The following MLH3 variants were observed in gnomAD, a reference collection of about 807,000 sequenced individuals.
MLH3 encodes the protein DNA mismatch repair protein Mlh3.
MLH3 carries 82 observed loss-of-function variants against 122.2 expected under a neutral mutation model. That is an observed-to-expected ratio of 0.67 (90% confidence interval 0.56 to 0.81). The LOEUF (loss-of-function observed/expected upper bound fraction) is 0.81, where lower values mean the gene tolerates loss of function less well. Ranked by LOEUF, MLH3 falls within the 30% of genes least tolerant of loss-of-function variation. The pLI, the probability that MLH3 is intolerant of heterozygous loss-of-function variation, is 0.00. For synonymous variants in MLH3, 524 were observed against 599.5 expected (o/e 0.87, Z 1.84); for missense variants, 1,539 against 1,714.5 (o/e 0.90, Z 1.81).
Position 75,014,910 on chromosome 14 carries a change from A to G in MLH3, c.*2172T>C. The G allele has an allele frequency of 5.6e-6, 1 of 180,122 alleles. No homozygotes were observed. Among genetic ancestry groups the G allele is most frequent in the Non-Finnish European group, 1.2e-5 (1 of 84,100 alleles). 11.2% of individuals were successfully genotyped at this position (180,122 alleles called of 1,614,324 possible). On this transcript the variant is annotated 3_prime_UTR_variant, in exon 13 of 13. Transcript: ENST00000355774. ...TGGCTCTTACAGCTAAGCCTTCAGCAAACCAGTTAACAGCTCCGAGCTTCG... is the reference window on the plus strand; with the variant it reads ...TGGCTCTTACAGCTAAGCCTTCAGCGAACCAGTTAACAGCTCCGAGCTTCG...
intron 2 of MLH3, 145 bp downstream of exon 2, chr14:75,046,231 C>A: frequency 1.3e-6 from 1 of 781,994 alleles, no homozygotes; most frequent in Admixed American, 2.4e-5. Context: ...CTTCATATAG[C>A]ATGAAAATAC....
Position 75,049,494 on chromosome 14 carries a change from C to T in MLH3, c.162G>A (p.Val54=), listed in dbSNP as rs757926156. 1.2e-5 allele frequency: 19 copies of T among 1,614,090 alleles called. No individual in the cohort carries two copies. The highest frequency in any genetic ancestry group is 8.5e-6 in the Non-Finnish European group (10 of 1,180,046). The change falls in exon 2 of 13, where the codon GTG becomes GTA. Residue 54 remains valine (V), a synonymous_variant. Coordinates refer to ENST00000355774, the MANE Select transcript of MLH3 (RefSeq NM_001040108.2). ...RVNMETFQVQ[V]IDNGFGMGSD... ...TCCCCATCCCAAATCCATTGTCTATCACTTGAACTTGGAAGGTTTCCATAT... is the reference window on the plus strand; with the variant it reads ...TCCCCATCCCAAATCCATTGTCTATTACTTGAACTTGGAAGGTTTCCATAT...
rs1279305990 is a variant in MLH3, at chr14:75,015,277, A to C, written c.*1805T>G. On this transcript the variant is annotated 3_prime_UTR_variant, in exon 13 of 13. Transcript: ENST00000355774. ...TATAAATTATGAAAACAGAATAATT[A>C]TCTCTTACATTGCTTGAGTCAGGCT... 2 of 177,522 alleles carry C rather than the reference A, an allele frequency of 1.1e-5. No homozygotes were observed. 11.0% of individuals were successfully genotyped at this position (177,522 alleles called of 1,614,324 possible).
intron 10 of MLH3, 39 bp from the exon 11 acceptor site, chr14:75,022,931 GAAC>G (rs746081870): frequency 5.4e-5 from 87 of 1,613,554 alleles, no homozygotes; most frequent in Non-Finnish European, 7.0e-5. Context: ...AAAGAAAACG[GAAC>G]AACGAAGCCT....
rs1555343301 is a variant in MLH3, at chr14:75,038,338, A to G, written c.3643+2T>C. ...ATCATTCAGGCTAAACTCCATTCTTACCTGCCTCGCCATTCTCTTCAGTCT... is the reference window on the plus strand; with the variant it reads ...ATCATTCAGGCTAAACTCCATTCTTGCCTGCCTCGCCATTCTCTTCAGTCT... On this transcript the variant is annotated splice_donor_variant, in intron 6 of 12. Coordinates refer to ENST00000355774, the MANE Select transcript of MLH3 (RefSeq NM_001040108.2). LOFTEE classifies it high-confidence loss of function. 10 of 1,611,498 alleles carry G rather than the reference A, an allele frequency of 6.2e-6. No individual in the cohort carries two copies. Among genetic ancestry groups the G allele is most frequent in the Non-Finnish European group, 8.5e-6 (10 of 1,177,762 alleles).
intron 2 of MLH3, 90 bp downstream of exon 2, chr14:75,046,286 G>T: frequency 7.6e-7 from 1 of 1,318,566 alleles, no homozygotes. Flanking sequence ...TATCTGTTGA[G>T]ATAATCTCTT....
intron 2 of MLH3, among the ~76,000 whole-genome samples, chr14:75,045,266 G>A (rs1419961980): frequency 6.6e-6 from 1 of 152,112 alleles, no homozygotes; most frequent in Non-Finnish European, 1.5e-5. Context: ...GGAGGCGGAG[G>A]TTATAGTGAG....
At position 75,047,174 on chromosome 14, in the gene MLH3, C is replaced by T. The variant is rs587776622; in HGVS notation, c.2482G>A (p.Glu828Lys). ...TCATCCTTGGAGAATGGAAACTTCT[C>T]TGAGTTAAGGATGTGGCTTGCTGGT... ...CQPASHILNS[E>K]KFPFSKDEDC... Residue 828 changes from glutamate (E) to lysine (K), a missense_variant, in exon 2 of 13, where the codon GAG becomes AAG. Physicochemically the swap from Glu to Lys is moderately conservative, Grantham distance 56. Coordinates refer to ENST00000355774, the MANE Select transcript of MLH3 (RefSeq NM_001040108.2). 1.9e-6 allele frequency: 3 copies of T among 1,614,024 alleles called. No homozygotes were observed. The African/African-American group carries it at 4.0e-5, about 22-fold the overall frequency.
intron 11 of MLH3, 34 bp downstream of exon 11, chr14:75,022,780 A>G: frequency 6.3e-7 from 1 of 1,588,374 alleles, no homozygotes; most frequent in Non-Finnish European, 8.6e-7. Flanking sequence ...CTGCATGCAG[A>G]GGTGTTTGAT....
At chr14:75,040,445 G>T (rs1223090856) in intron 4 of MLH3, among the ~76,000 whole-genome samples, 7 of 32,974 alleles carry the variant, frequency 2.1e-4, no homozygotes, top group Admixed American at 1.1e-3. Context: ...GCAAGACTCT[G>T]TCACAAAAAA....
At position 75,047,849 on chromosome 14, in the gene MLH3, A is replaced by G. The variant is rs777394252; in HGVS notation, c.1807T>C (p.Leu603=). 8.7e-6 allele frequency: 14 copies of G among 1,612,928 alleles called. No homozygotes were observed. The highest frequency in any genetic ancestry group is 1.2e-5 in the Non-Finnish European group (14 of 1,179,792). ...RNVFSYGRVK[L]CSTGFITHVV... Reference sequence around the variant, plus strand: ...TGAGTTATAAAGCCAGTGGAACATAATTTAACTCGCCCATAACTAAAAACA... The same window carrying G: ...TGAGTTATAAAGCCAGTGGAACATAGTTTAACTCGCCCATAACTAAAAACA... The change falls in exon 2 of 13, where the codon TTA becomes CTA. Residue 603 remains leucine, a synonymous_variant. Coordinates refer to ENST00000355774, the MANE Select transcript of MLH3 (RefSeq NM_001040108.2).
chr14:75,041,497 G>T, intron 4 of MLH3, 118 bp downstream of exon 4: 1 of 789,042 alleles, frequency 1.3e-6, no homozygotes, highest in Non-Finnish European at 2.2e-6. Context: ...TACGTGAGCC[G>T]AGATCATGCC....
chr14:75,046,031 T>G (rs936383109), intron 2 of MLH3, among the ~76,000 whole-genome samples: 1 of 151,698 alleles, frequency 6.6e-6, no homozygotes, highest in African/African-American at 2.4e-5. Flanking sequence ...ATAAAAAAAT[T>G]TAGCTGGGCA....
Position 75,017,084 on chromosome 14 carries a change from A to G in MLH3, c.4360T>C (p.Ter1454ArgextTer18), listed in dbSNP as rs1216996898. ...QQSMPPCEPP* is the reference protein window; with the variant it reads ...QQSMPPCEPPR ...CTTTTAGACCAGTGATTCTGTTCTC[A>G]TGGTGGCTCACAGGGAGGCATGGAT... Residue 1454 changes from the stop codon to arginine (R), a stop_lost, in exon 13 of 13, where the codon TGA (stop) becomes CGA (arginine). Coordinates refer to ENST00000355774, the MANE Select transcript of MLH3 (RefSeq NM_001040108.2). 2.5e-6 allele frequency: 4 copies of G among 1,613,576 alleles called. No homozygotes were observed. Among genetic ancestry groups the G allele is most frequent in the African/African-American group, 1.3e-5 (1 of 74,836 alleles).
chr14:75,033,579 T>C, intron 6 of MLH3, 89 bp from the exon 7 acceptor site: 1 of 943,746 alleles, frequency 1.1e-6, no homozygotes, highest in East Asian at 2.4e-5. Flanking sequence ...TAATTCAAAC[T>C]ATCTAACAAC....
At chr14:75,050,456 A>G (rs1325502886) in intron 1 of MLH3, among the ~76,000 whole-genome samples, 2 of 152,108 alleles carry the variant, frequency 1.3e-5, no homozygotes, top group South Asian at 2.1e-4. Context: ...CTGGAGTGCA[A>G]TGACACAATC....
At chr14:75,022,972 C>T (rs1036635073) in intron 10 of MLH3, 23 bp downstream of exon 10, 2 of 1,614,076 alleles carry the variant, frequency 1.2e-6, no homozygotes, top group Non-Finnish European at 1.7e-6. Flanking sequence ...TGTGTGAAAC[C>T]CCAAAATAAA....
At chr14:75,033,779 C>T (rs1196506921) in intron 6 of MLH3, among the ~76,000 whole-genome samples, 1 of 152,138 alleles carries the variant, frequency 6.6e-6, no homozygotes, top group Non-Finnish European at 1.5e-5. Context: ...TTTCTCTCTC[C>T]AGAGATTACC....
In MLH3 at chr14:75,017,191, T is replaced by C. The variant is rs1258839619; in HGVS notation, c.4253A>G (p.Asn1418Ser). The C allele has an allele frequency of 6.2e-6, 10 of 1,613,688 alleles. No homozygotes were observed. Among genetic ancestry groups the C allele is most frequent in the Non-Finnish European group, 8.5e-6 (10 of 1,179,848 alleles). Reference sequence around the variant, plus strand: ...GGCCATTTTGCGAAGTTTAGTGAGGTTGGGTTTAATCTATGGGAAGAAAGA... The same window carrying C: ...GGCCATTTTGCGAAGTTTAGTGAGGCTGGGTTTAATCTATGGGAAGAAAGA... ...HLEQEKQIKPNLTKLRKMAQA... is the reference protein window; with the variant it reads ...HLEQEKQIKPSLTKLRKMAQA... Residue 1418 changes from asparagine to serine, a missense_variant, in exon 13 of 13, where the codon AAC becomes AGC. Asn to Ser is a conservative substitution (Grantham distance 46). Coordinates refer to ENST00000355774, the MANE Select transcript of MLH3 (RefSeq NM_001040108.2).
Sources: allele counts gnomAD v4.1 joint callset (sites outside exome capture counted in the v4.1 genomes callset), GRCh38; gene constraint gnomAD v4.1.1; transcripts MANE v1.5; gene names NCBI Gene and HGNC (gene_info 2026-07-23, HGNC 2026-07-21).